Variants in CPPED1 observed in about 807,000 individuals in gnomAD.
The protein encoded by CPPED1 is calcineurin like phosphoesterase domain containing 1, also known as serine/threonine-protein phosphatase CPPED1.
CPPED1 carries 28 observed loss-of-function variants against 28.0 expected under a neutral mutation model. The ratio of observed to expected loss-of-function variants is 1.00; its 90% CI spans 0.74 to 1.37. The LOEUF (loss-of-function observed/expected upper bound fraction) is 1.37, where lower values mean the gene tolerates loss of function less well. Ranked by LOEUF, CPPED1 falls within the 40% of genes most tolerant of loss-of-function variation. CPPED1 has a pLI of 0.00. For synonymous variants in CPPED1, 198 were observed against 180.2 expected (o/e 1.10, Z -0.79); for missense variants, 504 against 416.5 (o/e 1.21, Z -1.83).
Position 12,705,094 on chromosome 16 carries a change from C to A in CPPED1, c.290-45G>T, listed in dbSNP as rs764022547. The A allele has an allele frequency of 7.8e-6, 12 of 1,531,096 alleles. No individual in the cohort carries two copies. In the East Asian group the frequency reaches 2.5e-4, roughly 32 times the overall value. The allele number at this position is 1,531,096 out of a possible 1,614,324, so 94.8% of individuals were successfully genotyped here. On this transcript the variant is annotated intron_variant, in intron 2 of 3. Coordinates refer to ENST00000381774, the MANE Select transcript of CPPED1 (RefSeq NM_018340.3). Reference sequence around the variant, plus strand: ...GTCCTGAGAAAGCCAGGGGCTTATTCACTTGAAATAACTAACTTAAGTACT... The same window carrying A: ...GTCCTGAGAAAGCCAGGGGCTTATTAACTTGAAATAACTAACTTAAGTACT...
chr16:12,750,699 A>G (rs995789847), intron 2 of CPPED1, among the ~76,000 whole-genome samples: 6 of 152,206 alleles, frequency 3.9e-5, no homozygotes, highest in African/African-American at 1.2e-4. Flanking sequence ...GGCCGGGCGC[A>G]GTGGCTCACG....
intron 2 of CPPED1, 132 bp from the exon 3 acceptor site, chr16:12,705,181 C>G (rs2080043449): frequency 8.1e-6 from 8 of 982,142 alleles, no homozygotes; most frequent in Non-Finnish European, 1.0e-5. Flanking sequence ...CACATGGAAA[C>G]TGCAAAATGC....
intron 1 of CPPED1, among the ~76,000 whole-genome samples, chr16:12,789,504 G>C (rs1217407409): frequency 6.6e-6 from 1 of 151,830 alleles, no homozygotes; most frequent in Non-Finnish European, 1.5e-5. Context: ...AACAAGCCAG[G>C]AAAAAAGAAA....
intron 3 of CPPED1, among the ~76,000 whole-genome samples, chr16:12,687,160 T>C (rs150931966): frequency 2.0e-5 from 3 of 152,354 alleles, no homozygotes; most frequent in East Asian, 1.9e-4. Context: ...TCTTGACCTA[T>C]ACTCACTCCA....
chr16:12,677,117 C>G (rs986615227), intron 3 of CPPED1, among the ~76,000 whole-genome samples: 6 of 152,206 alleles, frequency 3.9e-5, no homozygotes, highest in Non-Finnish European at 7.3e-5. Flanking sequence ...AGACTGGCAC[C>G]TGCTGGGCAT....
At chr16:12,694,801 G>T (rs1368276697) in intron 3 of CPPED1, among the ~76,000 whole-genome samples, 1 of 150,436 alleles carries the variant, frequency 6.6e-6, no homozygotes, top group African/African-American at 2.5e-5. Context: ...TTTTGAGATG[G>T]AGTTTTGCTC....
At chr16:12,723,314 T>C (rs961824179) in intron 2 of CPPED1, among the ~76,000 whole-genome samples, 3 of 152,238 alleles carry the variant, frequency 2.0e-5, no homozygotes, top group African/African-American at 7.2e-5. Context: ...ATGCCTGTTC[T>C]GGATGAACTA....
chr16:12,767,968 CAAAA>C (rs995347597), intron 2 of CPPED1, among the ~76,000 whole-genome samples: 37 of 152,016 alleles, frequency 2.4e-4, no homozygotes, highest in African/African-American at 8.9e-4. Context: ...AAACAAAAAA[CAAAA>C]AAACCCCTGC....
chr16:12,685,296 A>C (rs1370674035), intron 3 of CPPED1, among the ~76,000 whole-genome samples: 1 of 152,138 alleles, frequency 6.6e-6, no homozygotes, highest in African/African-American at 2.4e-5. Flanking sequence ...CCAAAAATAC[A>C]AAAATTAGCC....
chr16:12,696,476 A>G (rs2079991270), intron 3 of CPPED1, among the ~76,000 whole-genome samples: 2 of 137,994 alleles, frequency 1.4e-5, no homozygotes, highest in African/African-American at 5.6e-5. Flanking sequence ...AGTGTCACTC[A>G]GTCGCCCAGG....
Position 12,725,756 on chromosome 16 carries a change from G to A in CPPED1, c.290-20707C>T, listed in dbSNP as rs752057375. 1.2e-4 allele frequency among the ~76,000 whole-genome samples: 19 copies of A among 152,294 alleles called. No homozygotes were observed. The South Asian group carries it at 2.1e-3, about 17-fold the overall frequency. On this transcript the variant is annotated intron_variant, in intron 2 of 3. Transcript: ENST00000381774. ...TGTGTGCCACAATGAATGAAAACAC[G>A]TCTTAGATATCTTTAGCGAGTGCTT...
intron 3 of CPPED1, among the ~76,000 whole-genome samples, chr16:12,676,276 G>A (rs2079877364): frequency 6.6e-6 from 1 of 152,166 alleles, no homozygotes; most frequent in African/African-American, 2.4e-5. Context: ...TTGGTGCCAG[G>A]TATTAAGGAG....
intron 2 of CPPED1, among the ~76,000 whole-genome samples, chr16:12,761,666 C>T (rs541441361): frequency 3.3e-5 from 5 of 152,244 alleles, no homozygotes; most frequent in African/African-American, 9.6e-5. Flanking sequence ...CTAGTAAAAT[C>T]GCTTCCTATT....
At chr16:12,736,602 TCTAGC>T (rs1393613837) in intron 2 of CPPED1, among the ~76,000 whole-genome samples, 1 of 152,130 alleles carries the variant, frequency 6.6e-6, no homozygotes, top group African/African-American at 2.4e-5. Flanking sequence ...CAAAGTAAAT[TCTAGC>T]CCATAGAAGT....
chr16:12,773,815 C>T (rs1227445138), intron 2 of CPPED1, among the ~76,000 whole-genome samples: 2 of 152,220 alleles, frequency 1.3e-5, no homozygotes, highest in African/African-American at 4.8e-5. Flanking sequence ...GGTGATTTGG[C>T]ATCACCGCGA....
At chr16:12,732,092 G>T (rs1228050387) in intron 2 of CPPED1, among the ~76,000 whole-genome samples, 2 of 152,058 alleles carry the variant, frequency 1.3e-5, no homozygotes, top group Non-Finnish European at 2.9e-5. Flanking sequence ...GGGGGGCAGA[G>T]GTTGCAGTGA....
chr16:12,717,330 C>G (rs926976771), intron 2 of CPPED1, among the ~76,000 whole-genome samples: 1 of 152,228 alleles, frequency 6.6e-6, no homozygotes, highest in African/African-American at 2.4e-5. Context: ...GCGGCGCCAT[C>G]TCGGCTCACT....
chr16:12,719,179 C>G (rs1011187336), intron 2 of CPPED1, among the ~76,000 whole-genome samples: 1 of 152,108 alleles, frequency 6.6e-6, no homozygotes, highest in South Asian at 2.1e-4. Flanking sequence ...ATCACAAGGT[C>G]AGGAGATCGA....
chr16:12,770,263 C>A (rs767346633), intron 2 of CPPED1, among the ~76,000 whole-genome samples: 6 of 152,168 alleles, frequency 3.9e-5, no homozygotes, highest in African/African-American at 1.4e-4. Flanking sequence ...TAAACCCAGG[C>A]AACCCTCTTG....
Sources: gnomAD v4.1 joint callset for allele counts (sites outside exome capture counted in the v4.1 genomes callset) on GRCh38, gnomAD v4.1.1 for gene constraint, MANE v1.5 for transcripts, NCBI Gene and HGNC (gene_info 2026-07-23, HGNC 2026-07-21) for gene names.